XRCC4: variants seen among roughly 807,000 people sequenced by gnomAD.
XRCC4 encodes the protein DNA repair protein XRCC4.
A neutral mutation model predicts 39.1 loss-of-function variants in XRCC4; 28 were observed. The observed-to-expected ratio is 0.72, with a 90% CI of 0.53 to 0.98. XRCC4 has a LOEUF of 0.98. Among genes scored for constraint, XRCC4 ranks in the 50% least tolerant of loss-of-function variants. The pLI, the probability that XRCC4 is intolerant of heterozygous loss-of-function variation, is 0.00. For missense variants in XRCC4, 350 were observed against 376.4 expected (o/e 0.93, Z 0.58); for synonymous variants, 123 against 126.4 (o/e 0.97, Z 0.18).
intron 3 of XRCC4, among the ~76,000 whole-genome samples, chr5:83,148,800 A>G (rs1748575347): frequency 6.6e-6 from 1 of 152,016 alleles, no homozygotes; most frequent in Non-Finnish European, 1.5e-5. Flanking sequence ...TAGGACATCA[A>G]TAATGATAAT....
At chr5:83,139,542 G>A (rs1221724604) in intron 3 of XRCC4, among the ~76,000 whole-genome samples, 2 of 152,158 alleles carry the variant, frequency 1.3e-5, no homozygotes, top group Non-Finnish European at 2.9e-5. Flanking sequence ...AGCAGAGTTA[G>A]CAAATACAGT....
chr5:83,257,772 G>A (rs1208255311), intron 6 of XRCC4, among the ~76,000 whole-genome samples: 1 of 152,096 alleles, frequency 6.6e-6, no homozygotes, highest in Non-Finnish European at 1.5e-5. Context: ...CAATAGCAAA[G>A]ACTTGGAACC....
the XRCC4 span, among the ~76,000 whole-genome samples, chr5:83,363,068 G>C: frequency 6.6e-6 from 1 of 152,196 alleles, no homozygotes; most frequent in Non-Finnish European, 1.5e-5. Context: ...ATCAAGATAC[G>C]TGGTAAGTGC....
At chr5:83,125,719 C>T (rs1239155597) in intron 3 of XRCC4, among the ~76,000 whole-genome samples, 2 of 146,566 alleles carry the variant, frequency 1.4e-5, no homozygotes, top group South Asian at 2.2e-4. Context: ...GGCTGGGCGT[C>T]GTGGCACATG....
intron 3 of XRCC4, among the ~76,000 whole-genome samples, chr5:83,185,203 A>G (rs1270811334): frequency 6.6e-6 from 1 of 152,056 alleles, no homozygotes; most frequent in Non-Finnish European, 1.5e-5. Context: ...GATGGAAAAC[A>G]TAACCAAAGG....
chr5:83,130,024 G>T (rs1257404249), intron 3 of XRCC4, among the ~76,000 whole-genome samples: 2 of 152,014 alleles, frequency 1.3e-5, no homozygotes, highest in Non-Finnish European at 2.9e-5. Context: ...GGTGGTAAGA[G>T]AGGGCATCCC....
intron 6 of XRCC4, among the ~76,000 whole-genome samples, chr5:83,240,082 G>T (rs1272450809): frequency 1.3e-5 from 2 of 152,110 alleles, no homozygotes; most frequent in Non-Finnish European, 2.9e-5. Context: ...GCTAAGGCAG[G>T]AGGATCACTT....
At chr5:83,213,660 A>G (rs1751739386) in intron 6 of XRCC4, among the ~76,000 whole-genome samples, 1 of 152,206 alleles carries the variant, frequency 6.6e-6, no homozygotes, top group Non-Finnish European at 1.5e-5. Context: ...CCAATTCCTT[A>G]TAAACTCTTT....
At chr5:83,293,635 A>G (rs529684409) in intron 7 of XRCC4, among the ~76,000 whole-genome samples, 44 of 151,962 alleles carry the variant, frequency 2.9e-4, no homozygotes, top group African/African-American at 9.2e-4. Context: ...ATTTTGCCCT[A>G]TATTTATGTA....
the XRCC4 span, among the ~76,000 whole-genome samples, chr5:83,366,276 A>G: frequency 5.3e-5 from 8 of 152,152 alleles, no homozygotes; most frequent in Non-Finnish European, 1.0e-4. Flanking sequence ...ACCATGAGCC[A>G]AATAAATTCA....
intron 1 of XRCC4, among the ~76,000 whole-genome samples, chr5:83,094,130 A>G (rs1372677725): frequency 6.6e-6 from 1 of 151,986 alleles, no homozygotes; most frequent in Non-Finnish European, 1.5e-5. Context: ...TCCTTTCTTC[A>G]TGTACCTGGA....
At chr5:83,142,995 T>C (rs1748257130) in intron 3 of XRCC4, among the ~76,000 whole-genome samples, 1 of 152,178 alleles carries the variant, frequency 6.6e-6, no homozygotes. Flanking sequence ...ATTTTGAATA[T>C]ATAGGTGTTC....
At chr5:83,081,262 C>T (rs1459242226) in intron 1 of XRCC4, among the ~76,000 whole-genome samples, 1 of 152,134 alleles carries the variant, frequency 6.6e-6, no homozygotes, top group Non-Finnish European at 1.5e-5. Flanking sequence ...ATTTACATTA[C>T]CTTTTACATT....
At chr5:83,264,760 A>G (rs961491128) in intron 7 of XRCC4, among the ~76,000 whole-genome samples, 3 of 152,138 alleles carry the variant, frequency 2.0e-5, no homozygotes, top group African/African-American at 7.2e-5. Context: ...AGCAATCAAT[A>G]TGGTGTAATA....
chr5:83,289,367 G>C (rs1312191440), intron 7 of XRCC4, among the ~76,000 whole-genome samples: 1 of 151,908 alleles, frequency 6.6e-6, no homozygotes, highest in Non-Finnish European at 1.5e-5. Flanking sequence ...TCAGGTGATA[G>C]GAACTGAAGA....
At chr5:83,307,131 G>T (rs1413694016) in intron 7 of XRCC4, among the ~76,000 whole-genome samples, 1 of 152,208 alleles carries the variant, frequency 6.6e-6, no homozygotes, top group Non-Finnish European at 1.5e-5. Context: ...TCTGAATCCA[G>T]TGCACACTTT....
At chr5:83,106,674 T>A (rs1746213341) in intron 2 of XRCC4, among the ~76,000 whole-genome samples, 1 of 151,990 alleles carries the variant, frequency 6.6e-6, no homozygotes, top group African/African-American at 2.4e-5. Flanking sequence ...ATCATACAAT[T>A]GTGCTGGCAT....
intron 7 of XRCC4, among the ~76,000 whole-genome samples, chr5:83,300,887 T>C (rs1561462768): frequency 6.6e-6 from 1 of 152,186 alleles, no homozygotes; most frequent in Non-Finnish European, 1.5e-5. Flanking sequence ...GGTTCATCCA[T>C]GTCCCCTGCA....
chr5:83,099,824 T>TC (rs1745843495), intron 1 of XRCC4, among the ~76,000 whole-genome samples: 1 of 152,160 alleles, frequency 6.6e-6, no homozygotes, highest in Non-Finnish European at 1.5e-5. Flanking sequence ...TGAAGAGGAT[T>TC]CCACCCCGTT....
Sources: gnomAD v4.1 joint callset for allele counts (sites outside exome capture counted in the v4.1 genomes callset) on GRCh38, gnomAD v4.1.1 for gene constraint, MANE v1.5 for transcripts, NCBI Gene and HGNC (gene_info 2026-07-23, HGNC 2026-07-21) for gene names.